RAD51B: variants seen among roughly 807,000 people sequenced by gnomAD.
The protein encoded by RAD51B is DNA repair protein RAD51 homolog 2.
A neutral mutation model predicts 42.2 loss-of-function variants in RAD51B; 38 were observed. The ratio of observed to expected loss-of-function variants is 0.90; its 90% CI spans 0.70 to 1.18. The LOEUF is 1.18. RAD51B is among the 50% of genes most tolerant of loss of function. RAD51B has a pLI of 0.00. For synonymous variants in RAD51B, 154 were observed against 145.2 expected, an observed-to-expected ratio of 1.06 and a Z score of -0.43; for missense variants, 373 against 400.7, an observed-to-expected ratio of 0.93 and a Z score of 0.59.
In RAD51B at chr14:68,548,813, GC is replaced by G. The variant is rs1226050968; in HGVS notation, c.1037-45671del. Reference sequence around the variant, plus strand: ...AGGGCACACTGGGGATGAAGTGGGGGCTGCCCGAGGCCTCTGACCCCTTCTG... The same window carrying G: ...AGGGCACACTGGGGATGAAGTGGGGGTGCCCGAGGCCTCTGACCCCTTCTG... On this transcript the variant is annotated intron_variant, in intron 10 of 10. Transcript: ENST00000487270. Among the ~76,000 whole-genome samples, 3 of 152,282 alleles carry G rather than the reference GC, an allele frequency of 2.0e-5. No homozygotes were observed. The East Asian group carries it at 5.8e-4, about 29-fold the overall frequency.
intron 7 of RAD51B, among the ~76,000 whole-genome samples, chr14:67,948,263 G>A (rs1280563471): frequency 6.6e-6 from 1 of 152,164 alleles, no homozygotes; most frequent in East Asian, 1.9e-4. Context: ...TGTAGGATCA[G>A]ATGTGATTAA....
intron 7 of RAD51B, among the ~76,000 whole-genome samples, chr14:68,269,463 C>G (rs947986431): frequency 6.6e-6 from 1 of 152,222 alleles, no homozygotes; most frequent in African/African-American, 2.4e-5. Context: ...ACACATCTCC[C>G]CTGCCTGGGA....
At chr14:68,408,989 G>T (rs1335472794) in intron 8 of RAD51B, among the ~76,000 whole-genome samples, 1 of 152,142 alleles carries the variant, frequency 6.6e-6, no homozygotes, top group African/African-American at 2.4e-5. Flanking sequence ...TAGGTTAATG[G>T]TTGCCAAGAG....
chr14:67,963,471 A>C (rs1259830288), intron 7 of RAD51B, among the ~76,000 whole-genome samples: 1 of 152,150 alleles, frequency 6.6e-6, no homozygotes, highest in Non-Finnish European at 1.5e-5. Flanking sequence ...GATACAATGA[A>C]TTTATTGCTC....
At chr14:68,274,171 G>A (rs11849884) in intron 7 of RAD51B, among the ~76,000 whole-genome samples, 12 of 151,924 alleles carry the variant, frequency 7.9e-5, no homozygotes, top group African/African-American at 2.9e-4. Flanking sequence ...TTCTATGGAC[G>A]ATGACCATAG....
At chr14:68,675,037 G>A (rs1160559105) in intron 11 of RAD51B, among the ~76,000 whole-genome samples, 1 of 152,192 alleles carries the variant, frequency 6.6e-6, no homozygotes, top group Non-Finnish European at 1.5e-5. Flanking sequence ...ATAAGCCATA[G>A]TTCAGAAAAG....
intron 8 of RAD51B, among the ~76,000 whole-genome samples, chr14:68,396,997 T>C (rs2083942592): frequency 6.6e-6 from 1 of 152,228 alleles, no homozygotes; most frequent in Non-Finnish European, 1.5e-5. Flanking sequence ...CTTGGGCAAA[T>C]CACTTTCTTT....
At chr14:68,506,563 G>A (rs373183405) in intron 10 of RAD51B, among the ~76,000 whole-genome samples, 7 of 152,242 alleles carry the variant, frequency 4.6e-5, no homozygotes, top group African/African-American at 1.4e-4. Context: ...CGGTGCACAC[G>A]TGGGAATATA....
At chr14:68,002,434 C>T (rs909253616) in intron 7 of RAD51B, among the ~76,000 whole-genome samples, 2 of 151,960 alleles carry the variant, frequency 1.3e-5, no homozygotes, top group Non-Finnish European at 2.9e-5. Context: ...GGATGTTAGA[C>T]CTTTGTCAGA....
intron 9 of RAD51B, among the ~76,000 whole-genome samples, chr14:68,432,686 A>C (rs987615588): frequency 6.6e-6 from 1 of 152,110 alleles, no homozygotes; most frequent in Admixed American, 6.6e-5. Flanking sequence ...GCACACTGAT[A>C]GGTCTTGACT....
In RAD51B at chr14:68,062,013, G is replaced by A. The variant is rs570326008; in HGVS notation, c.756+174809G>A. ...AGAACATTCAACTTTTTCACCATAAGGTATGATGTTGGCTGTGGATTTGTC... is the reference window on the plus strand; with the variant it reads ...AGAACATTCAACTTTTTCACCATAAAGTATGATGTTGGCTGTGGATTTGTC... On this transcript the variant is annotated intron_variant, in intron 7 of 10. Transcript: ENST00000471583. Among the ~76,000 whole-genome samples the A allele has an allele frequency of 9.1e-4, 138 of 152,240 alleles. 1 individual carries two copies. Among genetic ancestry groups the A allele is most frequent in the African/African-American group, 3.3e-3 (136 of 41,534 alleles).
chr14:68,672,205 C>G (rs1375885298), intron 11 of RAD51B, among the ~76,000 whole-genome samples: 4 of 152,208 alleles, frequency 2.6e-5, no homozygotes, highest in Non-Finnish European at 5.9e-5. Flanking sequence ...CCTGTAACCC[C>G]TGGAACTTTC....
At chr14:68,543,752 G>A (rs982767454) in intron 10 of RAD51B, among the ~76,000 whole-genome samples, 7 of 152,068 alleles carry the variant, frequency 4.6e-5, no homozygotes, top group Non-Finnish European at 7.4e-5. Flanking sequence ...CACTCCCTAC[G>A]TTTGTATAAT....
intron 10 of RAD51B, among the ~76,000 whole-genome samples, chr14:68,500,475 G>A (rs1048395241): frequency 6.6e-6 from 1 of 152,238 alleles, no homozygotes; most frequent in Non-Finnish European, 1.5e-5. Context: ...CGGGCCAGCA[G>A]CCCGTAGCAC....
chr14:68,603,033 T>C (rs1891288185), intron 10 of RAD51B, among the ~76,000 whole-genome samples: 1 of 152,164 alleles, frequency 6.6e-6, no homozygotes, highest in Admixed American at 6.5e-5. Flanking sequence ...CAGCAAACCA[T>C]TTTGAGGGCC....
chr14:68,220,036 G>C (rs576200708), intron 7 of RAD51B, among the ~76,000 whole-genome samples: 1 of 152,262 alleles, frequency 6.6e-6, no homozygotes, highest in South Asian at 2.1e-4. Flanking sequence ...GACACACTTA[G>C]AGAAATGAAG....
At chr14:67,922,768 T>C (rs1285336229) in intron 7 of RAD51B, among the ~76,000 whole-genome samples, 3 of 150,400 alleles carry the variant, frequency 2.0e-5, no homozygotes, top group Non-Finnish European at 4.4e-5. Context: ...CTGGGCTCAC[T>C]ACAACCTCCA....
chr14:68,613,228 C>A (rs1891738755), downstream of RAD51B, among the ~76,000 whole-genome samples: 1 of 151,966 alleles, frequency 6.6e-6, no homozygotes, highest in Non-Finnish European at 1.5e-5. Context: ...CCAGCCTGCC[C>A]AACATGGTGA....
chr14:68,232,764 C>G (rs2080172889), intron 7 of RAD51B, among the ~76,000 whole-genome samples: 1 of 152,198 alleles, frequency 6.6e-6, no homozygotes, highest in Non-Finnish European at 1.5e-5. Flanking sequence ...CCATGGAAAT[C>G]CCCTAACTTT....
Sources: gnomAD v4.1 joint callset for allele counts (sites outside exome capture counted in the v4.1 genomes callset) on GRCh38, gnomAD v4.1.1 for gene constraint, MANE v1.5 for transcripts, NCBI Gene and HGNC (gene_info 2026-07-23, HGNC 2026-07-21) for gene names.